ARHGAP18: variants seen among roughly 807,000 people sequenced by gnomAD.
ARHGAP18 encodes the protein rho GTPase-activating protein 18.
In ARHGAP18, 67 loss-of-function variants were observed where a neutral mutation model predicts 86.2. That is an observed-to-expected ratio of 0.78 (90% CI 0.64 to 0.95). ARHGAP18 has a LOEUF of 0.95. Among genes scored for constraint, ARHGAP18 ranks in the 40% least tolerant of loss-of-function variants. The pLI is 0.00. For synonymous variants in ARHGAP18, 283 were observed against 280.4 expected (o/e 1.01, Z -0.09); for missense variants, 691 against 780.4 (o/e 0.89, Z 1.37).
At chr6:129,663,281 G>A (rs1297684219) in intron 1 of ARHGAP18, among the ~76,000 whole-genome samples, 2 of 152,220 alleles carry the variant, frequency 1.3e-5, no homozygotes, top group African/African-American at 2.4e-5. Context: ...ATCTGAAGAA[G>A]AGCAGCAAAT....
Position 129,659,021 on chromosome 6 carries a change from A to G in ARHGAP18, c.114-17003T>C, listed in dbSNP as rs535851093. Among the ~76,000 whole-genome samples the G allele has an allele frequency of 2.6e-5, 4 of 152,288 alleles. No homozygotes were observed. The South Asian group carries it at 8.3e-4, about 32-fold the overall frequency. On this transcript the variant is annotated intron_variant, in intron 1 of 14. Transcript: ENST00000368149. ...CAAAAGTGAAAAGCAGATCAAATTA[A>G]TGTTAATTTTAACCCACGCAATATA... is the stretch of plus-strand genomic sequence containing the variant.
intron 12 of ARHGAP18, among the ~76,000 whole-genome samples, chr6:129,589,750 T>C (rs1356594138): frequency 6.6e-6 from 1 of 152,114 alleles, no homozygotes; most frequent in Non-Finnish European, 1.5e-5. Flanking sequence ...ACTCATAGCA[T>C]AGATGAGTTT....
At chr6:129,701,046 C>T (rs894477559) in intron 1 of ARHGAP18, among the ~76,000 whole-genome samples, 2 of 149,806 alleles carry the variant, frequency 1.3e-5, no homozygotes, top group African/African-American at 4.9e-5. Context: ...AATGAACTTA[C>T]ATCTGAGTAT....
At position 129,694,844 on chromosome 6, in the gene ARHGAP18, T is replaced by C. The variant is rs113775691; in HGVS notation, c.113+15180A>G. ...AAAAAATGTTTTGCTGAAAGACTTG[T>C]GTTCTATGAAGCTTAAGTATTAAAA... On this transcript the variant is annotated intron_variant, in intron 1 of 14. Transcript: ENST00000368149. 1.6e-4 allele frequency among the ~76,000 whole-genome samples: 24 copies of C among 152,368 alleles called. 2 individuals carry two copies. The highest frequency in any genetic ancestry group is 5.0e-4 in the African/African-American group (21 of 41,590).
chr6:129,612,293 C>T (rs970619167), intron 7 of ARHGAP18, among the ~76,000 whole-genome samples: 5 of 152,176 alleles, frequency 3.3e-5, no homozygotes, highest in East Asian at 1.9e-4. Flanking sequence ...TTCTTGATAA[C>T]GTGATCTTCT....
At chr6:129,602,183 G>A (rs990392239) in intron 10 of ARHGAP18, among the ~76,000 whole-genome samples, 2 of 152,116 alleles carry the variant, frequency 1.3e-5, no homozygotes, top group Admixed American at 1.3e-4. Flanking sequence ...TGTTCTCTAT[G>A]AATGAGGCAG....
At chr6:129,641,152 A>C (rs1388788873) in intron 2 of ARHGAP18, among the ~76,000 whole-genome samples, 4 of 152,190 alleles carry the variant, frequency 2.6e-5, no homozygotes, top group Non-Finnish European at 5.9e-5. Flanking sequence ...TCCAATCTGG[A>C]GAAGTATACT....
At position 129,625,079 on chromosome 6, in the gene ARHGAP18, T is replaced by G. The variant is rs1402054075; in HGVS notation, c.786+4274A>C. 6.7e-4 allele frequency among the ~76,000 whole-genome samples: 69 copies of G among 102,708 alleles called. 1 individual carries two copies. Among genetic ancestry groups the G allele is most frequent in the African/African-American group, 2.6e-3 (65 of 25,250 alleles). 67.4% of individuals were successfully genotyped at this position (102,708 alleles called of 152,430 possible). A position where few individuals can be genotyped will look rare whatever the true frequency, so the allele number is the denominator to read the frequency against. On this transcript the variant is annotated intron_variant, in intron 5 of 14. Transcript: ENST00000368149. ...TTGATATATATTTATATATAATATA[T>G]ATGATATATGATATATGATATATAT...
chr6:129,696,581 G>T (rs575819282), intron 1 of ARHGAP18, among the ~76,000 whole-genome samples: 1 of 152,310 alleles, frequency 6.6e-6, no homozygotes, highest in South Asian at 2.1e-4. Context: ...AAATATTGTT[G>T]AGTTCTATTA....
chr6:129,638,111 C>A (rs1291048388), intron 3 of ARHGAP18, among the ~76,000 whole-genome samples: 1 of 152,192 alleles, frequency 6.6e-6, no homozygotes, highest in East Asian at 1.9e-4. Flanking sequence ...GTCCCTGTCA[C>A]CCCTAGTGGA....
At chr6:129,654,962 G>T (rs2114512841) in intron 1 of ARHGAP18, among the ~76,000 whole-genome samples, 1 of 152,294 alleles carries the variant, frequency 6.6e-6, no homozygotes, top group Admixed American at 6.5e-5. Flanking sequence ...AGAGGTGGAA[G>T]AAAGAACTGT....
chr6:129,629,401 G>C lies in ARHGAP18; in HGVS notation c.738C>G (p.Ser246Arg). 1 of 1,613,848 alleles carries C rather than the reference G, an allele frequency of 6.2e-7. No homozygotes were observed. The highest frequency in any genetic ancestry group is 2.2e-5 in the East Asian group (1 of 44,864). ...TGCTCTTCTGGATTTTCTCCTTGGA[G>C]CTCTCTTTCTGATTGAGTGCTTGCT... Reference protein sequence around the residue: ...FAEQALNQKESSKEKIQKSKG... With the variant: ...FAEQALNQKERSKEKIQKSKG... The change falls in exon 5 of 15, where the codon AGC becomes AGG. Residue 246 changes from serine to arginine, a missense_variant. Transcript: ENST00000368149.
At chr6:129,645,095 G>A (rs1773550890) in intron 1 of ARHGAP18, among the ~76,000 whole-genome samples, 1 of 152,114 alleles carries the variant, frequency 6.6e-6, no homozygotes. Context: ...GAAGGAGACA[G>A]CCATTCAGTA....
intron 1 of ARHGAP18, among the ~76,000 whole-genome samples, chr6:129,674,937 C>A (rs957730833): frequency 5.9e-5 from 9 of 152,112 alleles, no homozygotes; most frequent in Admixed American, 5.9e-4. Flanking sequence ...GGTGTCGCCT[C>A]CATTCTTCAT....
chr6:129,599,132 A>G, intron 12 of ARHGAP18, 84 bp downstream of exon 12: 1 of 1,172,266 alleles, frequency 8.5e-7, no homozygotes, highest in Non-Finnish European at 1.1e-6. Flanking sequence ...AGAAAGTCAT[A>G]CTATGAAAAC....
chr6:129,644,541 T>A (rs1436924417), intron 1 of ARHGAP18, among the ~76,000 whole-genome samples: 2 of 150,002 alleles, frequency 1.3e-5, no homozygotes, highest in Non-Finnish European at 1.5e-5. Flanking sequence ...GCCTTATCCT[T>A]TTGTTTTCTC....
At chr6:129,625,094 AT>A in intron 5 of ARHGAP18, among the ~76,000 whole-genome samples, 1 of 99,030 alleles carries the variant, frequency 1.0e-5, no homozygotes. Flanking sequence ...TATATGATAT[AT>A]GATATATATT....
intron 14 of ARHGAP18, 69 bp downstream of exon 14, chr6:129,580,001 G>C: frequency 7.7e-7 from 1 of 1,295,924 alleles, no homozygotes; most frequent in Non-Finnish European, 1.1e-6. Flanking sequence ...TTCCTCCAAA[G>C]ACATAAATAA....
chr6:129,684,435 T>G (rs1024997580), intron 1 of ARHGAP18, among the ~76,000 whole-genome samples: 8 of 152,220 alleles, frequency 5.3e-5, no homozygotes, highest in African/African-American at 1.9e-4. Flanking sequence ...TAGTATTATA[T>G]TAATAATATA....
Sources: allele counts gnomAD v4.1 joint callset (sites outside exome capture counted in the v4.1 genomes callset), GRCh38; gene constraint gnomAD v4.1.1; transcripts MANE v1.5; gene names NCBI Gene and HGNC (gene_info 2026-07-23, HGNC 2026-07-21).